RARB: variants seen among roughly 807,000 people sequenced by gnomAD.
RARB encodes the protein retinoic acid receptor beta, also known as HBV-activated protein.
Under a neutral mutation model 51.9 loss-of-function variants are expected in RARB, and 17 were observed. The observed-to-expected ratio is 0.33, with a 90% CI of 0.22 to 0.49. The LOEUF (loss-of-function observed/expected upper bound fraction) is 0.49, where lower values mean the gene tolerates loss of function less well. Among genes scored for constraint, RARB ranks in the 20% least tolerant of loss-of-function variants. The probability of loss-of-function intolerance (pLI) is 0.99; values close to 1 mark genes in which losing one functional copy is unlikely to be tolerated. For synonymous variants in RARB, 215 were observed against 195.4 expected (o/e 1.10, Z -0.84); for missense variants, 369 against 550.8 (o/e 0.67, Z 3.30).
chr3:25,455,081 T>C (rs1694841762), intron 1 of RARB, among the ~76,000 whole-genome samples: 1 of 152,334 alleles, frequency 6.6e-6, no homozygotes, highest in Non-Finnish European at 1.5e-5. Flanking sequence ...TTTGAAGTCC[T>C]TTTAGAGGAC....
chr3:25,431,746 AT>A (rs1708218235), intron 1 of RARB, among the ~76,000 whole-genome samples: 1 of 152,114 alleles, frequency 6.6e-6, no homozygotes, highest in Non-Finnish European at 1.5e-5. Context: ...AGAAAAAAAT[AT>A]TTTCTTTTTG....
At chr3:25,208,674 C>T (rs768096334) in intron 5 of RARB, among the ~76,000 whole-genome samples, 1 of 152,106 alleles carries the variant, frequency 6.6e-6, no homozygotes, top group African/African-American at 2.4e-5. Context: ...TCTGACCTGA[C>T]AATGCTGTCT....
At chr3:25,260,800 G>A (rs1401557370) in intron 5 of RARB, among the ~76,000 whole-genome samples, 1 of 152,098 alleles carries the variant, frequency 6.6e-6, no homozygotes, top group African/African-American at 2.4e-5. Flanking sequence ...GTGACCTTAG[G>A]CAAGTTGATT....
intron 2 of RARB, among the ~76,000 whole-genome samples, chr3:24,933,027 C>G (rs1284586077): frequency 1.3e-5 from 2 of 151,582 alleles, no homozygotes; most frequent in African/African-American, 4.8e-5. Context: ...AAAATGTAAC[C>G]CAGATTTGTG....
At chr3:25,104,010 A>G (rs1575161861) in intron 3 of RARB, among the ~76,000 whole-genome samples, 2 of 152,186 alleles carry the variant, frequency 1.3e-5, no homozygotes, top group Non-Finnish European at 2.9e-5. Context: ...CTCACATCAG[A>G]CAGATATGCC....
At chr3:25,508,964 C>T (rs1697749644) in intron 3 of RARB, among the ~76,000 whole-genome samples, 1 of 152,042 alleles carries the variant, frequency 6.6e-6, no homozygotes, top group South Asian at 2.1e-4. Context: ...GACTCAAAGC[C>T]CATTAACACT....
At chr3:24,988,978 A>G (rs755989862) in intron 2 of RARB, among the ~76,000 whole-genome samples, 22 of 152,210 alleles carry the variant, frequency 1.4e-4, no homozygotes, top group South Asian at 8.3e-4. Flanking sequence ...GGCGTGTGCC[A>G]CCAAGCCCGG....
At chr3:24,845,758 C>T (rs1222058273) in intron 1 of RARB, among the ~76,000 whole-genome samples, 2 of 152,064 alleles carry the variant, frequency 1.3e-5, no homozygotes, top group African/African-American at 2.4e-5. Flanking sequence ...AGATAGCCCC[C>T]CTCCACCCAC....
At chr3:25,482,020 C>T (rs1411848293) in intron 2 of RARB, among the ~76,000 whole-genome samples, 12 of 152,156 alleles carry the variant, frequency 7.9e-5, no homozygotes, top group Non-Finnish European at 1.2e-4. Flanking sequence ...AGGCAGAGGC[C>T]GAACTTGAAC....
intron 4 of RARB, among the ~76,000 whole-genome samples, chr3:25,164,758 T>C (rs1297172716): frequency 6.6e-6 from 1 of 152,212 alleles, no homozygotes; most frequent in Non-Finnish European, 1.5e-5. Context: ...CAAATAGAAA[T>C]GGGTACGCAT....
intron 4 of RARB, among the ~76,000 whole-genome samples, chr3:25,139,872 A>G (rs927687321): frequency 1.3e-5 from 2 of 152,156 alleles, no homozygotes; most frequent in Non-Finnish European, 2.9e-5. Flanking sequence ...CAAAAGTCTT[A>G]GGGCCCTTAA....
chr3:25,580,181 T>C (rs1701110648), intron 4 of RARB, among the ~76,000 whole-genome samples: 1 of 152,118 alleles, frequency 6.6e-6, no homozygotes, highest in African/African-American at 2.4e-5. Context: ...GAGACCATCC[T>C]GGCTAACACG....
At chr3:24,904,767 G>A (rs1694817841) in intron 2 of RARB, among the ~76,000 whole-genome samples, 1 of 152,114 alleles carries the variant, frequency 6.6e-6, no homozygotes, top group Non-Finnish European at 1.5e-5. Context: ...CAACCCAAAT[G>A]CCCATCAATG....
chr3:25,155,169 C>G lies in RARB; in HGVS notation c.-279-18950C>G, dbSNP rs576899491. On this transcript the variant is annotated intron_variant, in intron 4 of 11. Transcript: ENST00000383772. ...TTCCCCAATATATCTGTCTTGTCTG[C>G]TCAATTCTTTTTTTTGTATTTTTTA... Among the ~76,000 whole-genome samples, 3 of 152,256 alleles carry G rather than the reference C, an allele frequency of 2.0e-5. No homozygotes were observed. The East Asian group carries it at 5.8e-4, about 29-fold the overall frequency.
intron 5 of RARB, among the ~76,000 whole-genome samples, chr3:25,290,334 T>G (rs1366569927): frequency 6.6e-6 from 1 of 152,146 alleles, no homozygotes; most frequent in Non-Finnish European, 1.5e-5. Context: ...GAAGACCATG[T>G]AAAGACACTC....
At chr3:25,291,013 T>G (rs375335673) in intron 5 of RARB, among the ~76,000 whole-genome samples, 1 of 152,208 alleles carries the variant, frequency 6.6e-6, no homozygotes, top group Non-Finnish European at 1.5e-5. Context: ...AGAGCTTTGG[T>G]AAAGAGACAA....
intron 5 of RARB, among the ~76,000 whole-genome samples, chr3:25,206,167 A>G (rs1354503979): frequency 1.3e-5 from 2 of 152,152 alleles, no homozygotes; most frequent in Non-Finnish European, 2.9e-5. Flanking sequence ...TGTTTTCTCA[A>G]GTTCTATTTT....
At chr3:25,205,206 G>A (rs1385031907) in intron 5 of RARB, among the ~76,000 whole-genome samples, 3 of 152,170 alleles carry the variant, frequency 2.0e-5, no homozygotes, top group Non-Finnish European at 2.9e-5. Context: ...GGCTCCATGG[G>A]CGTAGGACCC....
intron 5 of RARB, among the ~76,000 whole-genome samples, chr3:25,345,328 G>C (rs1559365690): frequency 6.6e-6 from 1 of 152,100 alleles, no homozygotes; most frequent in Admixed American, 6.6e-5. Context: ...CTTTTCGGCT[G>C]TTGTGCCCAA....
Sources: gnomAD v4.1 joint callset for allele counts (sites outside exome capture counted in the v4.1 genomes callset) on GRCh38, gnomAD v4.1.1 for gene constraint, MANE v1.5 for transcripts, NCBI Gene and HGNC (gene_info 2026-07-23, HGNC 2026-07-21) for gene names.